SPATC1: variants seen among roughly 807,000 people sequenced by gnomAD.
SPATC1 encodes spermatogenesis and centriole associated 1.
In SPATC1, 35 loss-of-function variants were observed where a neutral mutation model predicts 36.5. The observed-to-expected ratio is 0.96, with a 90% CI of 0.73 to 1.27. The LOEUF is 1.27. SPATC1 is among the 50% of genes most tolerant of loss of function. The pLI is 0.00. For missense variants in SPATC1, 779 were observed against 796.0 expected (o/e 0.98, Z 0.26); for synonymous variants, 361 against 353.6 (o/e 1.02, Z -0.24).
intron 1 of SPATC1, among the ~76,000 whole-genome samples, chr8:144,026,986 T>G: frequency 7.8e-6 from 1 of 128,792 alleles, no homozygotes; most frequent in South Asian, 2.6e-4. Context: ...ATTTTTTTTT[T>G]CTTTTTTTTT....
intron 2 of SPATC1, 37 bp downstream of exon 2, chr8:144,040,500 G>A (rs781962187): frequency 6.4e-7 from 1 of 1,562,886 alleles, no homozygotes; most frequent in Non-Finnish European, 8.7e-7. Context: ...GCAGAGTGGG[G>A]GGGGGCAGAG....
rs1214510621 is a variant in SPATC1 at position 144,012,742 on chromosome 8, C to T, written c.211+16C>T. 7 of 1,551,266 alleles carry T rather than the reference C, an allele frequency of 4.5e-6. No homozygotes were observed. The highest frequency in any genetic ancestry group is 3.9e-5 in the Admixed American group (2 of 50,980). On this transcript the variant is annotated intron_variant, in intron 1 of 4. Coordinates refer to ENST00000377470, the MANE Select transcript of SPATC1 (RefSeq NM_198572.3). ...CAGAACAATGGTAAGAGGCCTCGCT[C>T]CCAAGAGAGTGAGGAGGGAAGTGGG... is the stretch of plus-strand genomic sequence containing the variant.
intron 1 of SPATC1, among the ~76,000 whole-genome samples, chr8:144,015,809 C>T (rs1289310462): frequency 1.3e-5 from 2 of 151,000 alleles, no homozygotes; most frequent in East Asian, 3.9e-4. Flanking sequence ...GCCTGTAATC[C>T]CAGCACTTTG....
chr8:144,041,648 G>T (rs1835104571), intron 4 of SPATC1, among the ~76,000 whole-genome samples: 1 of 152,240 alleles, frequency 6.6e-6, no homozygotes, highest in African/African-American at 2.4e-5. Context: ...CGCACTTGGA[G>T]GATGATGCTT....
chr8:144,018,292 A>G (rs1587489081), intron 1 of SPATC1, among the ~76,000 whole-genome samples: 1 of 152,208 alleles, frequency 6.6e-6, no homozygotes, highest in Non-Finnish European at 1.5e-5. Flanking sequence ...GATTTCAACC[A>G]TCATAGGTGG....
Position 144,040,357 on chromosome 8 carries a change from C to T in SPATC1, c.660C>T (p.Asn220=), listed in dbSNP as rs1329423029. 1.9e-6 allele frequency: 3 copies of T among 1,612,590 alleles called. No individual in the cohort carries two copies. Among genetic ancestry groups the T allele is most frequent in the Non-Finnish European group, 1.7e-6 (2 of 1,179,918 alleles). The change falls in exon 2 of 5, where the codon AAC becomes AAT. Residue 220 remains asparagine, a synonymous_variant. Transcript: ENST00000377470. ...SQNLLANPMS[N]LVLPEAPRLR... ...ACCTGCTGGCCAACCCCATGAGCAA[C>T]CTGGTCCTGCCAGAGGCCCCAAGGC...
chr8:144,026,250 C>T (rs1308124657), intron 1 of SPATC1, among the ~76,000 whole-genome samples: 6 of 152,158 alleles, frequency 3.9e-5, no homozygotes, highest in South Asian at 2.1e-4. Flanking sequence ...TTCTTCCATG[C>T]GGTAGCTCCT....
chr8:144,014,957 CTG>C (rs1472735225), intron 1 of SPATC1, among the ~76,000 whole-genome samples: 4 of 152,110 alleles, frequency 2.6e-5, no homozygotes, highest in Non-Finnish European at 5.9e-5. Context: ...GATGCTGACT[CTG>C]GGCATACTGC....
intron 1 of SPATC1, among the ~76,000 whole-genome samples, chr8:144,028,556 G>A (rs1278335694): frequency 1.3e-5 from 2 of 152,190 alleles, no homozygotes; most frequent in African/African-American, 4.8e-5. Context: ...AGAAACAACA[G>A]ATGCTGACGA....
intron 1 of SPATC1, among the ~76,000 whole-genome samples, chr8:144,039,253 G>A (rs1023907486): frequency 6.6e-6 from 1 of 152,222 alleles, no homozygotes; most frequent in Non-Finnish European, 1.5e-5. Context: ...ACTCCTCCAG[G>A]ACCAAGGAAA....
rs1330621041 is a variant in SPATC1 at position 144,040,094 on chromosome 8, C to A, written c.397C>A (p.Gln133Lys). ...GCTGTCTGGCCCAGCACCCACGTCACAGAGCAGCCCCCTCACCAGCTTCCT... is the reference window on the plus strand; with the variant it reads ...GCTGTCTGGCCCAGCACCCACGTCAAAGAGCAGCCCCCTCACCAGCTTCCT... ...TLLSGPAPTS[Q>K]SSPLTSFLTS... The change falls in exon 2 of 5, where the codon CAG becomes AAG. Residue 133 changes from glutamine to lysine, a missense_variant. Physicochemically the swap from Gln to Lys is moderately conservative, Grantham distance 53. Transcript: ENST00000377470. 6.2e-7 allele frequency: 1 copy of A among 1,611,792 alleles called. No individual in the cohort carries two copies. The highest frequency in any genetic ancestry group is 2.2e-5 in the East Asian group (1 of 44,882).
intron 1 of SPATC1, among the ~76,000 whole-genome samples, chr8:144,023,336 T>C (rs1231203325): frequency 0.1 from 234 of 2,262 alleles, no homozygotes; most frequent in Middle Eastern, 0.25. Flanking sequence ...CCCCTCAGGA[T>C]CCTCTCCCCT....
chr8:144,034,741 G>T (rs1834865064), intron 1 of SPATC1, among the ~76,000 whole-genome samples: 1 of 151,898 alleles, frequency 6.6e-6, no homozygotes, highest in Non-Finnish European at 1.5e-5. Flanking sequence ...CCTGCCCCAG[G>T]TTCCCGAGTA....
rs542114403 is a variant in SPATC1 at position 144,045,759 on chromosome 8, T to C, written c.1447-868T>C. On this transcript the variant is annotated intron_variant, in intron 4 of 4. Coordinates refer to ENST00000377470, the MANE Select transcript of SPATC1 (RefSeq NM_198572.3). The surrounding 1 kb of genome is among the most constrained non-coding windows in gnomAD (Gnocchi z 5.2). Reference sequence around the variant, plus strand: ...AGGCTGCAAGACTGGCAGGGCCCAGTGCAAAATGAAAATAATTCAAAACTT... The same window carrying C: ...AGGCTGCAAGACTGGCAGGGCCCAGCGCAAAATGAAAATAATTCAAAACTT... Among the ~76,000 whole-genome samples the C allele has an allele frequency of 6.6e-6, 1 of 152,258 alleles. No individual in the cohort carries two copies. The highest frequency in any genetic ancestry group is 2.4e-5 in the African/African-American group (1 of 41,544).
At chr8:144,021,114 CTCCCATGAGGATT>C (rs2133107055) in intron 1 of SPATC1, among the ~76,000 whole-genome samples, 6 of 134,164 alleles carry the variant, frequency 4.5e-5, no homozygotes, top group Admixed American at 2.8e-4. Context: ...AACCCACTTT[CTCCCATGAGGATT>C]CTCTCCCTCA....
At chr8:144,039,034 A>T (rs1834988349) in intron 1 of SPATC1, among the ~76,000 whole-genome samples, 1 of 152,220 alleles carries the variant, frequency 6.6e-6, no homozygotes, top group African/African-American at 2.4e-5. Flanking sequence ...GGGATGATGG[A>T]ACTATCTGTG....
In SPATC1 at chr8:144,042,990, A is replaced by ATT. The variant is rs1287009285; in HGVS notation, c.1446+1637_1446+1638dup. Among the ~76,000 whole-genome samples, 452 of 118,044 alleles carry ATT rather than the reference A, an allele frequency of 3.8e-3. 7 individuals carry two copies. Among genetic ancestry groups the ATT allele is most frequent in the African/African-American group, 0.013 (411 of 31,380 alleles). 77.4% of individuals were successfully genotyped at this position (118,044 alleles called of 152,430 possible). ...CGGGCATGCACCAACACACCTGGCTATTTTTTTTTTTTTTTTTTTGAGACA... is the reference window on the plus strand; with the variant it reads ...CGGGCATGCACCAACACACCTGGCTATTTTTTTTTTTTTTTTTTTTTGAGACA... On this transcript the variant is annotated intron_variant, in intron 4 of 4. Coordinates refer to ENST00000377470, the MANE Select transcript of SPATC1 (RefSeq NM_198572.3).
chr8:144,041,342 GTC>G lies in SPATC1; in HGVS notation c.1420_1421del (p.Ser474GlnfsTer15). On this transcript the variant is annotated frameshift_variant, in exon 4 of 5. Transcript: ENST00000377470. LOFTEE classifies it high-confidence loss of function. ...PERVRLYGFT[V>X]SNIPEKIIQA... ...GCGCGTACGGCTCTACGGCTTCACT[GTC>G]TCCAACATCCCAGAGAAGATCATCC... is the stretch of plus-strand genomic sequence containing the variant. 1 of 1,611,652 alleles carries G rather than the reference GTC, an allele frequency of 6.2e-7. No individual in the cohort carries two copies. The highest frequency in any genetic ancestry group is 8.5e-7 in the Non-Finnish European group (1 of 1,180,016).
At position 144,035,785 on chromosome 8, in the gene SPATC1, G is replaced by A. The variant is rs1410488845; in HGVS notation, c.212-4124G>A. 8.5e-5 allele frequency among the ~76,000 whole-genome samples: 13 copies of A among 152,326 alleles called. No homozygotes were observed. In the East Asian group the frequency reaches 2.1e-3, roughly 25 times the overall value. On this transcript the variant is annotated intron_variant, in intron 1 of 4. Coordinates refer to ENST00000377470, the MANE Select transcript of SPATC1 (RefSeq NM_198572.3). ...GGCTGCTTCAAACATTAGGACCACC[G>A]GCGCTCCTTAGGCTGCCCTGGCTGT...
Sources: gnomAD v4.1 joint callset for allele counts (sites outside exome capture counted in the v4.1 genomes callset) on GRCh38, gnomAD v4.1.1 for gene constraint, Gnocchi (gnomAD v3.1) non-coding constraint, MANE v1.5 for transcripts, NCBI Gene and HGNC (gene_info 2026-07-23, HGNC 2026-07-21) for gene names.